The following GLIS3 variants were observed in gnomAD, a reference collection of about 807,000 sequenced individuals.
GLIS3 encodes the protein GLIS family zinc finger 3.
A neutral mutation model predicts 78.6 loss-of-function variants in GLIS3; 53 were observed. The observed-to-expected ratio is 0.67, with a 90% CI of 0.54 to 0.85. The LOEUF is 0.85. Among genes scored for constraint, GLIS3 ranks in the 40% least tolerant of loss-of-function variants. The probability of loss-of-function intolerance (pLI) is 0.00; values close to 1 mark genes in which losing one functional copy is unlikely to be tolerated. For missense variants in GLIS3, 1,703 were observed against 1,231.1 expected (o/e 1.38, Z -5.74); for synonymous variants, 684 against 509.9 (o/e 1.34, Z -4.60).
chr9:4,038,573 G>A (rs904194581), intron 4 of GLIS3, among the ~76,000 whole-genome samples: 1 of 152,150 alleles, frequency 6.6e-6, no homozygotes, highest in Non-Finnish European at 1.5e-5. Context: ...AAAGGAAAAG[G>A]AATTTCCCAG....
chr9:4,346,253 G>A (rs149248860), intron 2 of GLIS3, among the ~76,000 whole-genome samples: 128 of 152,272 alleles, frequency 8.4e-4, no homozygotes, highest in African/African-American at 3.0e-3. Context: ...CATAAAGGGA[G>A]CTTTGTAAAT....
chr9:4,329,013 G>T (rs1237274143), intron 2 of GLIS3, among the ~76,000 whole-genome samples: 1 of 152,176 alleles, frequency 6.6e-6, no homozygotes, highest in African/African-American at 2.4e-5. Context: ...GTTACAAAAG[G>T]CTTAGGATGA....
chr9:3,968,533 G>A (rs1818133901), intron 4 of GLIS3, among the ~76,000 whole-genome samples: 1 of 152,078 alleles, frequency 6.6e-6, no homozygotes, highest in African/African-American at 2.4e-5. Context: ...AAGGAAAAAT[G>A]TTTGATTAAA....
At chr9:4,178,077 C>T (rs1413201011) in intron 2 of GLIS3, among the ~76,000 whole-genome samples, 2 of 152,210 alleles carry the variant, frequency 1.3e-5, no homozygotes, top group African/African-American at 2.4e-5. Flanking sequence ...AAAAGCCCCA[C>T]ATTTCAGAAC....
intron 2 of GLIS3, among the ~76,000 whole-genome samples, chr9:4,332,367 C>T (rs1284118537): frequency 6.6e-6 from 1 of 152,174 alleles, no homozygotes; most frequent in African/African-American, 2.4e-5. Flanking sequence ...ACAGAAGCAC[C>T]CAAGCTTTAG....
At chr9:4,446,377 G>A in the GLIS3 span, among the ~76,000 whole-genome samples, 1 of 152,124 alleles carries the variant, frequency 6.6e-6, no homozygotes, top group African/African-American at 2.4e-5. Flanking sequence ...ATCTGCTGAT[G>A]CCTTGATCTT....
chr9:3,975,842 C>T (rs1193511808), intron 4 of GLIS3, among the ~76,000 whole-genome samples: 2 of 152,044 alleles, frequency 1.3e-5, no homozygotes, highest in Admixed American at 1.3e-4. Context: ...CCACAGCCCT[C>T]ATTAAAAAAT....
At chr9:4,307,572 C>T (rs10814921) in intron 4 of GLIS3, among the ~76,000 whole-genome samples, 58,011 of 151,932 alleles carry the variant, frequency 0.38, 12,522 homozygotes, top group East Asian at 0.55. Context: ...CATCCTAACT[C>T]CTGGAACCTA....
intron 4 of GLIS3, among the ~76,000 whole-genome samples, chr9:4,003,671 T>C (rs114059539): frequency 0.013 from 2,040 of 152,304 alleles, 48 homozygotes; most frequent in African/African-American, 0.046. Flanking sequence ...CTCAAAGAAT[T>C]GCTAAAAGAA....
chr9:4,036,648 C>A (rs1018395801), intron 4 of GLIS3, among the ~76,000 whole-genome samples: 1 of 152,148 alleles, frequency 6.6e-6, no homozygotes, highest in African/African-American at 2.4e-5. Flanking sequence ...CTGAGACTCA[C>A]CTACTAAATA....
intron 2 of GLIS3, chr9:4,310,609 T>C (rs1817334199): frequency 6.6e-6 from 1 of 152,324 alleles, no homozygotes; most frequent in Non-Finnish European, 1.5e-5. Context: ...CTAAACTATA[T>C]GTGTCTGAAG....
At chr9:3,858,472 A>G (rs1056388699) in intron 8 of GLIS3, among the ~76,000 whole-genome samples, 1 of 152,212 alleles carries the variant, frequency 6.6e-6, no homozygotes, top group Non-Finnish European at 1.5e-5. Flanking sequence ...TAGCACTGCT[A>G]TCTCAAGGAC....
chr9:4,313,126 T>C (rs1054402919), intron 2 of GLIS3, among the ~76,000 whole-genome samples: 13 of 152,202 alleles, frequency 8.5e-5, no homozygotes, highest in African/African-American at 3.1e-4. Context: ...CAGTACTCTT[T>C]TGTTGATTAG....
intron 8 of GLIS3, among the ~76,000 whole-genome samples, chr9:3,871,482 C>G (rs1044857418): frequency 2.6e-5 from 4 of 152,300 alleles, no homozygotes; most frequent in African/African-American, 9.6e-5. Flanking sequence ...GCCTGGGTAT[C>G]CAGGCATTTC....
At chr9:4,197,388 C>A (rs1369745483) in intron 2 of GLIS3, among the ~76,000 whole-genome samples, 1 of 151,952 alleles carries the variant, frequency 6.6e-6, no homozygotes, top group African/African-American at 2.4e-5. Flanking sequence ...GCATTCTCTG[C>A]TCCATACACA....
chr9:3,907,655 C>CA (rs758113264), intron 6 of GLIS3, among the ~76,000 whole-genome samples: 131 of 146,254 alleles, frequency 9.0e-4, no homozygotes, highest in African/African-American at 2.5e-3. Context: ...CACACACACA[C>CA]TACTAAACAG....
chr9:4,098,194 A>G (rs1830108504), intron 4 of GLIS3, among the ~76,000 whole-genome samples: 1 of 152,202 alleles, frequency 6.6e-6, no homozygotes, highest in Admixed American at 6.5e-5. Flanking sequence ...GAAACTTTGT[A>G]ACACGTTCTT....
chr9:3,947,114 G>A (rs377208471), intron 4 of GLIS3, among the ~76,000 whole-genome samples: 179 of 152,354 alleles, frequency 1.2e-3, no homozygotes, highest in African/African-American at 4.1e-3. Flanking sequence ...CTTGGCTACA[G>A]GGTCTGTGTT....
chr9:4,402,144 G>T, the GLIS3 span, among the ~76,000 whole-genome samples: 4 of 152,168 alleles, frequency 2.6e-5, no homozygotes, highest in African/African-American at 9.7e-5. Context: ...TCCCAGTGGT[G>T]GTGGCCACAG....
Sources: allele counts gnomAD v4.1 joint callset (sites outside exome capture counted in the v4.1 genomes callset), GRCh38; gene constraint gnomAD v4.1.1; transcripts MANE v1.5; gene names NCBI Gene and HGNC (gene_info 2026-07-23, HGNC 2026-07-21).